RIMBP2: variants seen among roughly 807,000 people sequenced by gnomAD.
RIMBP2 encodes RIMS binding protein 2, also known as RIMS-binding protein 2.
Under a neutral mutation model 118.6 loss-of-function variants are expected in RIMBP2, and 48 were observed. The observed-to-expected ratio is 0.40, with a 90% confidence interval of 0.32 to 0.51. The LOEUF is 0.51. RIMBP2 is among the 20% of genes least tolerant of loss of function. The probability of loss-of-function intolerance (pLI) is 0.41; values close to 1 mark genes in which losing one functional copy is unlikely to be tolerated. For missense variants in RIMBP2, 1,551 were observed against 1,768.3 expected (o/e 0.88, Z 2.20); for synonymous variants, 762 against 742.9 (o/e 1.03, Z -0.42).
rs564187423 is a variant in RIMBP2 at position 130,555,248 on chromosome 12, C to A, written c.-216-37331G>T. On this transcript the variant is annotated intron_variant, in intron 2 of 22. Transcript: ENST00000690449. ...AATCGGGAAAACAGCTTATGTTGAA[C>A]AATCAGATTCAGGAGAAAGCCCTCG... is the stretch of plus-strand genomic sequence containing the variant. 8.1e-4 allele frequency among the ~76,000 whole-genome samples: 123 copies of A among 152,080 alleles called. 1 individual carries two copies. The highest frequency in any genetic ancestry group is 1.5e-3 in the Non-Finnish European group (99 of 68,014).
At chr12:130,633,582 G>A (rs2062138863) in intron 1 of RIMBP2, among the ~76,000 whole-genome samples, 1 of 152,130 alleles carries the variant, frequency 6.6e-6, no homozygotes, top group South Asian at 2.1e-4. Context: ...TACCCACAGG[G>A]TAGTAACAGT....
intron 1 of RIMBP2, among the ~76,000 whole-genome samples, chr12:130,659,038 C>T (rs1432611187): frequency 7.0e-6 from 1 of 143,882 alleles, no homozygotes; most frequent in African/African-American, 2.5e-5. Flanking sequence ...ACAGGGACTC[C>T]CCGTAAATCA....
chr12:130,644,628 G>A (rs145772019), intron 1 of RIMBP2, among the ~76,000 whole-genome samples: 3 of 152,308 alleles, frequency 2.0e-5, no homozygotes, highest in African/African-American at 7.2e-5. Flanking sequence ...CAGGAATTAC[G>A]GGAGACATTT....
rs753454208 is a variant in RIMBP2, at chr12:130,446,027, C to G, written c.582-758G>C. 1.5e-5 allele frequency among the ~76,000 whole-genome samples: 2 copies of G among 130,952 alleles called. No individual in the cohort carries two copies. Among genetic ancestry groups the G allele is most frequent in the Non-Finnish European group, 3.0e-5 (2 of 67,210 alleles). The allele number at this position is 130,952 out of a possible 152,430, so 85.9% of individuals were successfully genotyped here. The stretch of plus-strand genomic sequence containing the variant: ...GACGCATGATTTTATGCTCCCCCCC[C>G]CCACACCCCCAGGAATATAAGAGTA... On this transcript the variant is annotated intron_variant, in intron 9 of 22. Transcript: ENST00000690449. The surrounding 1 kb of genome is among the most constrained non-coding windows in gnomAD (Gnocchi z 4.1).
chr12:130,609,545 C>A (rs1272326568), intron 2 of RIMBP2, among the ~76,000 whole-genome samples: 2 of 149,468 alleles, frequency 1.3e-5, no homozygotes, highest in African/African-American at 4.9e-5. Context: ...TGGATGGAAG[C>A]GGGGTGGTTA....
At chr12:130,604,582 C>CTGTTTTT (rs1555305685) in intron 2 of RIMBP2, among the ~76,000 whole-genome samples, 1 of 67,268 alleles carries the variant, frequency 1.5e-5, no homozygotes, top group African/African-American at 6.0e-5. Context: ...TGCCCCTTTT[C>CTGTTTTT]TTTCTTTTTT....
At chr12:130,518,540 G>A (rs1316979684) in intron 2 of RIMBP2, among the ~76,000 whole-genome samples, 1 of 152,176 alleles carries the variant, frequency 6.6e-6, no homozygotes, top group Non-Finnish European at 1.5e-5. Flanking sequence ...AAAGAAAGCT[G>A]AAAATAATCC....
intron 2 of RIMBP2, among the ~76,000 whole-genome samples, chr12:130,543,999 T>C (rs2054857126): frequency 6.6e-6 from 1 of 152,248 alleles, no homozygotes; most frequent in South Asian, 2.1e-4. Context: ...GCAAACCACC[T>C]TATGATCACT....
intron 4 of RIMBP2, among the ~76,000 whole-genome samples, chr12:130,489,918 G>A (rs1475552964): frequency 1.3e-5 from 2 of 152,128 alleles, no homozygotes; most frequent in African/African-American, 4.8e-5. Context: ...AAGGTCAGGA[G>A]ATCGAGACCA....
chr12:130,438,338 C>G, intron 12 of RIMBP2, 27 bp downstream of exon 12: 1 of 1,266,804 alleles, frequency 7.9e-7, no homozygotes, highest in Non-Finnish European at 1.1e-6. Context: ...CTAACAAACC[C>G]TCCCCACCCA....
chr12:130,679,536 A>T (rs1231680303), intron 1 of RIMBP2, among the ~76,000 whole-genome samples: 1 of 152,182 alleles, frequency 6.6e-6, no homozygotes, highest in Non-Finnish European at 1.5e-5. Flanking sequence ...TGGACGGGGC[A>T]TGAGAGCTCC....
In RIMBP2 at chr12:130,695,853, G is replaced by A. The variant is rs571501876; in HGVS notation, c.-352+20369C>T. On this transcript the variant is annotated intron_variant, in intron 1 of 22. Transcript: ENST00000690449. ...TGAAAGTTTAGAGACGTCCAGATGTGCTATGGTTTGGATATGGGCTTGAAG... is the reference window on the plus strand; with the variant it reads ...TGAAAGTTTAGAGACGTCCAGATGTACTATGGTTTGGATATGGGCTTGAAG... Among the ~76,000 whole-genome samples the A allele has an allele frequency of 2.8e-4, 43 of 152,108 alleles. 1 individual carries two copies. In the South Asian group the frequency reaches 8.1e-3, roughly 29 times the overall value.
chr12:130,504,968 G>A (rs371754248), intron 4 of RIMBP2, among the ~76,000 whole-genome samples: 1 of 152,114 alleles, frequency 6.6e-6, no homozygotes, highest in East Asian at 1.9e-4. Context: ...CAGACTCTCC[G>A]CTAAGCTCCT....
chr12:130,676,796 C>T lies in RIMBP2; in HGVS notation c.-352+39426G>A, dbSNP rs574719044. ...ACCCACAGGCTTCCTGCCGATCCCA[C>T]GCATGTGGCCTGCAGGGAGAGGCAG... On this transcript the variant is annotated intron_variant, in intron 1 of 22. Transcript: ENST00000690449. Among the ~76,000 whole-genome samples the T allele has an allele frequency of 2.1e-4, 32 of 152,206 alleles. No homozygotes were observed. The East Asian group carries it at 5.4e-3, about 26-fold the overall frequency.
chr12:130,451,349 G>C lies in RIMBP2; in HGVS notation c.359-9C>G, dbSNP rs941039660. Reference sequence around the variant, plus strand: ...AATAGCGCTCTCCTGACCTGGCCACGAACATTAAAACAAGTTGAAACAAAT... The same window carrying C: ...AATAGCGCTCTCCTGACCTGGCCACCAACATTAAAACAAGTTGAAACAAAT... On this transcript the variant is annotated splice_polypyrimidine_tract_variant and intron_variant, in intron 7 of 22. Transcript: ENST00000690449. 6.3e-7 allele frequency: 1 copy of C among 1,595,976 alleles called. No homozygotes were observed. The highest frequency in any genetic ancestry group is 1.3e-5 in the African/African-American group (1 of 74,440).
Position 130,445,563 on chromosome 12 carries a change from T to C in RIMBP2, c.582-294A>G, listed in dbSNP as rs527454208. Among the ~76,000 whole-genome samples, 8 of 152,342 alleles carry C rather than the reference T, an allele frequency of 5.3e-5. No homozygotes were observed. The South Asian group carries it at 1.7e-3, about 32-fold the overall frequency. On this transcript the variant is annotated intron_variant, in intron 9 of 22. Coordinates refer to ENST00000690449, the MANE Select transcript of RIMBP2 (RefSeq NM_001393629.1). Reference sequence around the variant, plus strand: ...TGACATTCTATTCACACTTATCTCTTCTGCTGTAACTATACATCTCCAAAT... The same window carrying C: ...TGACATTCTATTCACACTTATCTCTCCTGCTGTAACTATACATCTCCAAAT...
chr12:130,474,112 G>GC (rs2081236929), intron 5 of RIMBP2, among the ~76,000 whole-genome samples: 1 of 152,210 alleles, frequency 6.6e-6, no homozygotes, highest in Non-Finnish European at 1.5e-5. Context: ...ACGGAGCGCA[G>GC]CCGGACCCCA....
intron 2 of RIMBP2, among the ~76,000 whole-genome samples, chr12:130,548,497 C>T (rs2055388652): frequency 6.6e-6 from 1 of 152,144 alleles, no homozygotes; most frequent in South Asian, 2.1e-4. Context: ...ACAAAACTGC[C>T]CTTAAAATTC....
At chr12:130,614,646 G>T (rs4415815) in intron 2 of RIMBP2, among the ~76,000 whole-genome samples, 1 of 151,444 alleles carries the variant, frequency 6.6e-6, no homozygotes, top group African/African-American at 2.4e-5. Context: ...TAGCATAGCA[G>T]TGACGGGGCA....
Sources: allele counts gnomAD v4.1 joint callset (sites outside exome capture counted in the v4.1 genomes callset), GRCh38; gene constraint gnomAD v4.1.1; non-coding constraint Gnocchi (gnomAD v3.1); transcripts MANE v1.5; gene names NCBI Gene and HGNC (gene_info 2026-07-23, HGNC 2026-07-21).